Variants in ACTG2 observed in about 807,000 individuals in gnomAD.
ACTG2 encodes the protein actin gamma 2, smooth muscle.
A neutral mutation model predicts 37.6 loss-of-function variants in ACTG2; 16 were observed. The ratio of observed to expected loss-of-function variants is 0.43; its 90% confidence interval spans 0.29 to 0.65. ACTG2 has a LOEUF of 0.65. ACTG2 is among the 30% of genes least tolerant of loss of function. The pLI is 0.18. For missense variants in ACTG2, 238 were observed against 490.9 expected (o/e 0.48, Z 4.87); for synonymous variants, 181 against 179.9 (o/e 1.01, Z -0.05).
rs547917378 is a variant in ACTG2, at chr2:73,906,604, C to T, written c.256-2069C>T. On this transcript the variant is annotated intron_variant, in intron 3 of 8. Transcript: ENST00000345517. ...CAAGGAATCCTCTTGCCTCTGTCTC[C>T]GGTGTAGCTGGGAACAGAGGTGCAC... 2.0e-5 allele frequency among the ~76,000 whole-genome samples: 3 copies of T among 152,118 alleles called. No homozygotes were observed. The East Asian group carries it at 5.8e-4, about 29-fold the overall frequency.
intron 2 of ACTG2, 28 bp from the exon 3 acceptor site, chr2:73,902,332 T>C: frequency 1.2e-6 from 2 of 1,611,790 alleles, no homozygotes; most frequent in Non-Finnish European, 1.7e-6. Flanking sequence ...CAGCCATTCA[T>C]TTCTCTTTTC....
intron 3 of ACTG2, chr2:73,908,426 A>T: frequency 1.7e-6 from 1 of 581,350 alleles, no homozygotes; most frequent in South Asian, 1.5e-5. Context: ...AGAGGAGGGA[A>T]GGTCAAATGG....
At position 73,901,184 on chromosome 2, in the gene ACTG2, T is replaced by C. The variant is rs1679863147; in HGVS notation, c.-36-92T>C. The C allele has an allele frequency of 1.1e-5, 12 of 1,063,864 alleles. No homozygotes were observed. The South Asian group carries it at 2.3e-4, about 20-fold the overall frequency. 65.9% of individuals were successfully genotyped at this position (1,063,864 alleles called of 1,614,324 possible). A position where few individuals can be genotyped will look rare whatever the true frequency, so the allele number is the denominator to read the frequency against. On this transcript the variant is annotated intron_variant, in intron 1 of 8. Transcript: ENST00000345517. ...TGTCCCTCCTGGAAGTGTGCCCTGA[T>C]TGCAGGTAGGGTCAGGCCCCAAAGC...
At chr2:73,899,080 G>T (rs553021895) in intron 1 of ACTG2, among the ~76,000 whole-genome samples, 1 of 152,048 alleles carries the variant, frequency 6.6e-6, no homozygotes, top group East Asian at 1.9e-4. Context: ...AAAGTGCTGG[G>T]ATTACAGGCG....
rs567587473 is a variant in ACTG2 at position 73,906,670 on chromosome 2, G to A, written c.256-2003G>A. Among the ~76,000 whole-genome samples the A allele has an allele frequency of 3.3e-5, 5 of 151,912 alleles. No homozygotes were observed. The South Asian group carries it at 6.2e-4, about 19-fold the overall frequency. ...TTTTTTAATTTTTTGTAGAGACAGG[G>A]TCTCACTTTGTTACCCAGGCTGGTC... On this transcript the variant is annotated intron_variant, in intron 3 of 8. Transcript: ENST00000345517.
At chr2:73,908,521 C>T in intron 3 of ACTG2, 152 bp from the exon 4 acceptor site, 1 of 675,512 alleles carries the variant, frequency 1.5e-6, no homozygotes, top group Non-Finnish European at 2.5e-6. Flanking sequence ...CTTTAAATGT[C>T]AATCAGAAAT....
At chr2:73,911,765 G>C (rs1258922511) in intron 5 of ACTG2, among the ~76,000 whole-genome samples, 1 of 152,180 alleles carries the variant, frequency 6.6e-6, no homozygotes, top group Non-Finnish European at 1.5e-5. Context: ...GTCCGAAGTT[G>C]ACCAAAATGT....
chr2:73,916,745 C>G lies in ACTG2; in HGVS notation c.967C>G (p.Pro323Ala). 1 of 1,613,964 alleles carries G rather than the reference C, an allele frequency of 6.2e-7. No homozygotes were observed. Among genetic ancestry groups the G allele is most frequent in the Non-Finnish European group, 8.5e-7 (1 of 1,179,926 alleles). ...GCAGAAGGAGATCACAGCCCTGGCCCCCAGCACCATGAAGATCAAGGTGGG... is the reference window on the plus strand; with the variant it reads ...GCAGAAGGAGATCACAGCCCTGGCCGCCAGCACCATGAAGATCAAGGTGGG... ...RMQKEITALA[P>A]STMKIKIIAP... Residue 323 changes from proline to alanine, a missense_variant, in exon 8 of 9, where the codon CCC (proline) becomes GCC (alanine). Coordinates refer to ENST00000345517, the MANE Select transcript of ACTG2 (RefSeq NM_001615.4).
intron 8 of ACTG2, 27 bp from the exon 9 acceptor site, chr2:73,919,405 A>G (rs1226807820): frequency 3.1e-6 from 5 of 1,610,446 alleles, no homozygotes; most frequent in Non-Finnish European, 4.2e-6. Flanking sequence ...GGGACTGATC[A>G]TGATTCACCA....
chr2:73,909,948 C>T (rs1209559840), intron 5 of ACTG2, among the ~76,000 whole-genome samples: 1 of 152,150 alleles, frequency 6.6e-6, no homozygotes, highest in African/African-American at 2.4e-5. Context: ...GGCACAGTGG[C>T]TCACACCTGA....
At chr2:73,917,492 C>G (rs905058590) in intron 8 of ACTG2, among the ~76,000 whole-genome samples, 2 of 152,242 alleles carry the variant, frequency 1.3e-5, no homozygotes, top group Non-Finnish European at 2.9e-5. Flanking sequence ...ATGGGAGCTT[C>G]TCTTCTGCCT....
intron 1 of ACTG2, among the ~76,000 whole-genome samples, chr2:73,897,525 C>A (rs1335239723): frequency 3.9e-5 from 6 of 152,172 alleles, no homozygotes; most frequent in Non-Finnish European, 8.8e-5. Flanking sequence ...TGTGACTGAA[C>A]CACCATGAGG....
intron 5 of ACTG2, among the ~76,000 whole-genome samples, chr2:73,913,160 ACT>A: frequency 8.8e-6 from 1 of 114,202 alleles, no homozygotes. Context: ...CAAGAGCAAA[ACT>A]CTGTCTCCAA....
In ACTG2 at chr2:73,916,639, C is replaced by A; in HGVS notation, c.861C>A (p.Asp287Glu). Residue 287 changes from aspartate to glutamate, a missense_variant, in exon 8 of 9, where the codon GAC (aspartate) becomes GAA (glutamate). Asp to Glu is a conservative substitution (Grantham distance 45, BLOSUM62 2). Transcript: ENST00000345517. The stretch of plus-strand genomic sequence containing the variant: ...CCTACAATTCCATCATGAAGTGTGA[C>A]ATTGACATCCGTAAGGACTTATATG... ...ETTYNSIMKCDIDIRKDLYAN... is the reference protein window; with the variant it reads ...ETTYNSIMKCEIDIRKDLYAN... 6.2e-7 allele frequency: 1 copy of A among 1,614,116 alleles called. No homozygotes were observed.
rs976531926 is a variant in ACTG2 at position 73,919,675 on chromosome 2, T to A, written c.*100T>A. 1.3e-5 allele frequency: 18 copies of A among 1,363,994 alleles called. No homozygotes were observed. In the African/African-American group the frequency reaches 2.0e-4, roughly 15 times the overall value. 84.5% of individuals were successfully genotyped at this position (1,363,994 alleles called of 1,614,324 possible). A position where few individuals can be genotyped will look rare whatever the true frequency, so the allele number is the denominator to read the frequency against. ...CTTACTTCTCTGTGTGGGGCTCTTT[T>A]TTCCTGGGCTATGTCTCATACACAG... On this transcript the variant is annotated 3_prime_UTR_variant, in exon 9 of 9. Transcript: ENST00000345517.
chr2:73,893,505 T>G (rs140936949), intron 1 of ACTG2, among the ~76,000 whole-genome samples: 6 of 152,310 alleles, frequency 3.9e-5, no homozygotes, highest in African/African-American at 1.4e-4. Flanking sequence ...GAAATGTCTG[T>G]GCTGGGAATG....
chr2:73,901,298 C>A lies in ACTG2; in HGVS notation c.-14C>A. The A allele has an allele frequency of 6.4e-7, 1 of 1,566,588 alleles. No homozygotes were observed. Among genetic ancestry groups the A allele is most frequent in the Non-Finnish European group, 8.7e-7 (1 of 1,150,522 alleles). Reference sequence around the variant, plus strand: ...AAGGTGCTCCAGTCCCCAGCTCACTCAGCCACACACACCATGTGTGAAGAG... The same window carrying A: ...AAGGTGCTCCAGTCCCCAGCTCACTAAGCCACACACACCATGTGTGAAGAG... On this transcript the variant is annotated 5_prime_UTR_variant, in exon 2 of 9. Transcript: ENST00000345517.
chr2:73,896,827 A>C (rs1239600297), intron 1 of ACTG2: 1 of 152,188 alleles, frequency 6.6e-6, no homozygotes, highest in East Asian at 1.9e-4. Context: ...AAAGAACCAG[A>C]ACAACTCTCT....
intron 3 of ACTG2, chr2:73,902,895 T>C (rs2104808235): frequency 3.0e-6 from 3 of 1,008,810 alleles, no homozygotes; most frequent in Non-Finnish European, 2.8e-6. Context: ...CATCTTTTCC[T>C]GCAATATTTA....
Sources: gnomAD v4.1 joint callset for allele counts (sites outside exome capture counted in the v4.1 genomes callset) on GRCh38, gnomAD v4.1.1 for gene constraint, MANE v1.5 for transcripts, NCBI Gene and HGNC (gene_info 2026-07-23, HGNC 2026-07-21) for gene names.